The following MED23 variants were observed in gnomAD, a reference collection of about 807,000 sequenced individuals.
MED23 encodes mediator complex subunit 23.
Under a neutral mutation model 163.9 loss-of-function variants are expected in MED23, and 105 were observed. The ratio of observed to expected loss-of-function variants is 0.64; its 90% CI spans 0.55 to 0.75. The LOEUF (loss-of-function observed/expected upper bound fraction) is 0.75, where lower values mean the gene tolerates loss of function less well. Among genes scored for constraint, MED23 ranks in the 30% least tolerant of loss-of-function variants. The pLI is 0.00. For synonymous variants in MED23, 561 were observed against 565.6 expected (o/e 0.99, Z 0.12); for missense variants, 1,054 against 1,649.0 (o/e 0.64, Z 6.25).
chr6:131,620,679 A>C lies in MED23; in HGVS notation c.546T>G (p.Phe182Leu). 6.2e-7 allele frequency: 1 copy of C among 1,613,742 alleles called. No homozygotes were observed. Among genetic ancestry groups the C allele is most frequent in the Non-Finnish European group, 8.5e-7 (1 of 1,179,742 alleles). ...ACAGTTTCCTGATCTCAGTGACTGCAAAATAGGCTGGTAATAAGCAGGCAT... is the reference window on the plus strand; with the variant it reads ...ACAGTTTCCTGATCTCAGTGACTGCCAAATAGGCTGGTAATAAGCAGGCAT... Reference protein sequence around the residue: ...ERNACLLPAYFAVTEIRKLYP... With the variant: ...ERNACLLPAYLAVTEIRKLYP... The change falls in exon 7 of 29, where the codon TTT (phenylalanine) becomes TTG (leucine). Residue 182 changes from phenylalanine (F) to leucine (L), a missense_variant. Transcript: ENST00000368068.
At position 131,602,207 on chromosome 6, in the gene MED23, A is replaced by C. The variant is rs1241700291; in HGVS notation, c.2095+11T>G. The stretch of plus-strand genomic sequence containing the variant: ...CATCTGTTGTTGTTTGTAGTCACAT[A>C]TTCACCGTACCTGTTACATGAGTTG... On this transcript the variant is annotated intron_variant, in intron 17 of 28. Coordinates refer to ENST00000368068, the MANE Select transcript of MED23 (RefSeq NM_004830.4). 1 of 1,613,386 alleles carries C rather than the reference A, an allele frequency of 6.2e-7. No individual in the cohort carries two copies. The highest frequency in any genetic ancestry group is 1.1e-5 in the South Asian group (1 of 91,072).
intron 11 of MED23, among the ~76,000 whole-genome samples, chr6:131,608,273 A>G (rs1776003014): frequency 6.6e-6 from 1 of 152,144 alleles, no homozygotes; most frequent in Non-Finnish European, 1.5e-5. Flanking sequence ...TTATTTTAAT[A>G]TTATATATAT....
chr6:131,605,544 T>C (rs1775794003), intron 13 of MED23, 59 bp from the exon 14 acceptor site: 3 of 1,438,142 alleles, frequency 2.1e-6, no homozygotes. Context: ...AATGTTAATT[T>C]GTATTTTTTT....
Position 131,606,532 on chromosome 6 carries a change from A to G in MED23, c.1314T>C (p.Asn438=). The G allele has an allele frequency of 6.2e-7, 1 of 1,613,664 alleles. No individual in the cohort carries two copies. Among genetic ancestry groups the G allele is most frequent in the East Asian group, 2.2e-5 (1 of 44,796 alleles). Residue 438 remains asparagine, a synonymous_variant, in exon 13 of 29, where the codon AAT becomes AAC. Transcript: ENST00000368068. ...TTGGAATCTGTAGCTTGGAGTTGTCATTTTGAGCTTTTCTATTGAGATGAA... is the reference window on the plus strand; with the variant it reads ...TTGGAATCTGTAGCTTGGAGTTGTCGTTTTGAGCTTTTCTATTGAGATGAA... ...IWIHLNRKAQ[N]DNSKLQIPIP...
At chr6:131,581,399 C>G (rs373590467) in intron 30 of MED23, 1 of 1,605,498 alleles carries the variant, frequency 6.2e-7, no homozygotes, top group Non-Finnish European at 8.5e-7. Flanking sequence ...GGTTGGTACT[C>G]TAGTGCAATA....
intron 3 of MED23, among the ~76,000 whole-genome samples, chr6:131,625,435 C>G (rs1777414690): frequency 6.6e-6 from 1 of 152,006 alleles, no homozygotes; most frequent in African/African-American, 2.4e-5. Flanking sequence ...AAACAAGAGC[C>G]CATTATGAAT....
At position 131,596,253 on chromosome 6, in the gene MED23, T is replaced by G. The variant is rs894519603; in HGVS notation, c.2779-90A>C. ...AATGTGAAAACATTGTTTAGATTTTTTTTTGCAAGGAAACATTTAAAATTA... is the reference window on the plus strand; with the variant it reads ...AATGTGAAAACATTGTTTAGATTTTGTTTTGCAAGGAAACATTTAAAATTA... On this transcript the variant is annotated intron_variant, in intron 21 of 28. Coordinates refer to ENST00000368068, the MANE Select transcript of MED23 (RefSeq NM_004830.4). 8.2e-6 allele frequency: 10 copies of G among 1,222,684 alleles called. No homozygotes were observed. In the African/African-American group the frequency reaches 1.4e-4, roughly 17 times the overall value. The allele number at this position is 1,222,684 out of a possible 1,614,324, so 75.7% of individuals were successfully genotyped here.
At chr6:131,585,248 C>CA (rs1212078805), downstream of MED23, among the ~76,000 whole-genome samples, 1 of 152,030 alleles carries the variant, frequency 6.6e-6, no homozygotes, top group African/African-American at 2.4e-5. Flanking sequence ...AAACGGTAAT[C>CA]AAAACAAGGG....
At chr6:131,614,582 T>C (rs1422983741) in intron 10 of MED23, among the ~76,000 whole-genome samples, 1 of 152,142 alleles carries the variant, frequency 6.6e-6, no homozygotes. Context: ...AGTTTGGCCA[T>C]AGTGTTTTTC....
At chr6:131,580,744 C>T (rs1585417820) in intron 30 of MED23, among the ~76,000 whole-genome samples, 1 of 146,494 alleles carries the variant, frequency 6.8e-6, no homozygotes, top group Admixed American at 6.7e-5. Context: ...CTGAGTGATG[C>T]TCTCAAATTA....
rs954110598 is a variant in MED23, at chr6:131,581,524, T to C, written c.4095+6185A>G. 8 of 963,462 alleles carry C rather than the reference T, an allele frequency of 8.3e-6. No individual in the cohort carries two copies. In the Admixed American group the frequency reaches 1.5e-4, roughly 18 times the overall value. The allele number at this position is 963,462 out of a possible 1,614,324, so 59.7% of individuals were successfully genotyped here. ...CTGCAGCCAATAAGCAAAGGGTTGGTTGATAAAAGGCAGTGAGGCTCTCTA... is the reference window on the plus strand; with the variant it reads ...CTGCAGCCAATAAGCAAAGGGTTGGCTGATAAAAGGCAGTGAGGCTCTCTA... On this transcript the variant is annotated intron_variant, in intron 30 of 30. Transcript: ENST00000354577.
intron 30 of MED23, among the ~76,000 whole-genome samples, chr6:131,575,082 G>T (rs1439377691): frequency 6.6e-6 from 1 of 152,182 alleles, no homozygotes; most frequent in Non-Finnish European, 1.5e-5. Context: ...GAGCAAGCAA[G>T]AGGAAAGCCC....
chr6:131,593,791 AC>A (rs1774832691), intron 23 of MED23, among the ~76,000 whole-genome samples: 1 of 152,168 alleles, frequency 6.6e-6, no homozygotes, highest in Non-Finnish European at 1.5e-5. Context: ...TGCATGTGCT[AC>A]AAAATATAGT....
intron 3 of MED23, 33 bp from the exon 4 acceptor site, chr6:131,625,022 C>A: frequency 6.2e-7 from 1 of 1,609,394 alleles, no homozygotes; most frequent in South Asian, 1.1e-5. Flanking sequence ...TACTTGGGGT[C>A]TAAAGTTACA....
At chr6:131,627,329 G>GAAAAAAAA (rs60163644) in intron 3 of MED23, 67 bp downstream of exon 3, 139 of 874,968 alleles carry the variant, frequency 1.6e-4, no homozygotes, top group East Asian at 5.1e-4. Context: ...AATGTTAAAA[G>GAAAAAAAA]AAAAAAAAAA....
chr6:131,583,189 CAT>C (rs367653966), downstream of MED23: 1,413 of 1,602,844 alleles, frequency 8.8e-4, 13 homozygotes, highest in African/African-American at 0.011. Context: ...TGTGTGCACA[CAT>C]GTGTGTGCAA....
At chr6:131,586,418 A>C (rs980549556), downstream of MED23, among the ~76,000 whole-genome samples, 2 of 152,090 alleles carry the variant, frequency 1.3e-5, no homozygotes, top group African/African-American at 4.8e-5. Context: ...AAAAAAAGAA[A>C]AGAGTAAGTC....
At chr6:131,604,894 T>TAC (rs1775743703) in intron 14 of MED23, among the ~76,000 whole-genome samples, 1 of 152,186 alleles carries the variant, frequency 6.6e-6, no homozygotes, top group Non-Finnish European at 1.5e-5. Flanking sequence ...GCTGAAAGAC[T>TAC]ACTAATAAAA....
At chr6:131,579,318 G>A (rs377721661) in intron 30 of MED23, 117 of 1,610,972 alleles carry the variant, frequency 7.3e-5, no homozygotes, top group Non-Finnish European at 9.4e-5. Context: ...ATGGGAATCT[G>A]GCACAAAGGA....
Sources: allele counts gnomAD v4.1 joint callset (sites outside exome capture counted in the v4.1 genomes callset), GRCh38; gene constraint gnomAD v4.1.1; transcripts MANE v1.5; gene names NCBI Gene and HGNC (gene_info 2026-07-23, HGNC 2026-07-21).